The following SFTPB variants were observed in gnomAD, a reference collection of about 807,000 sequenced individuals.
SFTPB encodes surfactant protein B.
SFTPB carries 32 observed loss-of-function variants against 51.0 expected under a neutral mutation model. The observed-to-expected ratio is 0.63, with a 90% CI of 0.47 to 0.84. The LOEUF (loss-of-function observed/expected upper bound fraction) is 0.84. Ranked by LOEUF, SFTPB falls within the 40% of genes least tolerant of loss-of-function variation. The pLI is 0.00. For missense variants in SFTPB, 431 were observed against 491.2 expected, an observed-to-expected ratio of 0.88 and a Z score of 1.16; for synonymous variants, 211 against 208.5, an observed-to-expected ratio of 1.01 and a Z score of -0.10.
chr2:85,668,268 G>C (rs997293488), upstream of SFTPB: 1 of 1,313,682 alleles, frequency 7.6e-7, no homozygotes, highest in African/African-American at 1.5e-5. Context: ...GAGTGGCAGC[G>C]ACCTCAGTGT....
In SFTPB at chr2:85,667,687, C is replaced by A. The variant is rs780804657; in HGVS notation, c.187G>T (p.Val63Leu). The A allele has an allele frequency of 1.9e-6, 3 of 1,614,156 alleles. No individual in the cohort carries two copies. The African/African-American group carries it at 4.0e-5, about 22-fold the overall frequency. ...GHCLQEVWGH[V>L]GADDLCQECE... ...TCCTTGGTGGTACTCACGGCTCCCA[C>A]ATGTCCCCAGACTTCCTGTAGGCAA... is the stretch of plus-strand genomic sequence containing the variant. The change falls in exon 2 of 11, where the codon GTG (valine) becomes TTG (leucine). Residue 63 changes from valine to leucine, a missense_variant. Physicochemically the swap from Val to Leu is conservative, Grantham distance 32 (BLOSUM62 1). Transcript: ENST00000519937.
At chr2:85,667,070 G>T in intron 3 of SFTPB, 36 bp downstream of exon 3, 1 of 1,546,150 alleles carries the variant, frequency 6.5e-7, no homozygotes, top group Non-Finnish European at 8.9e-7. Context: ...TCATCTCTTG[G>T]GCCCCAACCT....
In SFTPB at chr2:85,658,029, G is replaced by T. The variant is rs1310627541; in HGVS notation, c.*1673C>A. On this transcript the variant is annotated 3_prime_UTR_variant, in exon 11 of 11. Transcript: ENST00000519937. ...ACAATGGTGGAATGTCATCAGTTAA[G>T]GCAGGAACTGGCTATTTTCACTTCT... The T allele has an allele frequency of 6.6e-6, 1 of 151,320 alleles. No individual in the cohort carries two copies. The highest frequency in any genetic ancestry group is 6.7e-5 in the Admixed American group (1 of 15,006). 9.4% of individuals were successfully genotyped at this position (151,320 alleles called of 1,614,324 possible). A position where few individuals can be genotyped will look rare whatever the true frequency, so the allele number is the denominator to read the frequency against.
chr2:85,661,196 G>A (rs1677272550), intron 10 of SFTPB: 1 of 404,452 alleles, frequency 2.5e-6, no homozygotes, highest in South Asian at 2.2e-5. Context: ...GGGCAGGGCG[G>A]GGGGTTGGGG....
chr2:85,665,481 G>C, intron 5 of SFTPB, 103 bp from the exon 6 acceptor site: 1 of 1,435,536 alleles, frequency 7.0e-7, no homozygotes, highest in Non-Finnish European at 9.8e-7. Flanking sequence ...CCTCCCTTAG[G>C]CCCTGCCTGG....
intron 10 of SFTPB, among the ~76,000 whole-genome samples, chr2:85,660,636 G>T (rs1191088715): frequency 1.3e-5 from 2 of 151,612 alleles, no homozygotes; most frequent in Non-Finnish European, 2.9e-5. Context: ...AATATTTTTA[G>T]TAGAGACAGG....
At chr2:85,665,508 C>G in intron 5 of SFTPB, 98 bp downstream of exon 5, 2 of 1,488,662 alleles carry the variant, frequency 1.3e-6, no homozygotes, top group East Asian at 2.3e-5. Context: ...CTATCACCTT[C>G]CCGGCTCTGC....
intron 3 of SFTPB, 101 bp from the exon 4 acceptor site, chr2:85,666,843 C>T (rs1677675206): frequency 1.3e-6 from 2 of 1,512,504 alleles, no homozygotes; most frequent in East Asian, 2.3e-5. Flanking sequence ...CCCCTAATCC[C>T]CCAGGGTGCT....
At chr2:85,664,567 T>C (rs971896274) in intron 6 of SFTPB, among the ~76,000 whole-genome samples, 1 of 152,114 alleles carries the variant, frequency 6.6e-6, no homozygotes, top group Non-Finnish European at 1.5e-5. Flanking sequence ...TGGGTTCAAG[T>C]GATTCTCCTG....
At chr2:85,662,240 C>A in intron 8 of SFTPB, 131 bp from the exon 9 acceptor site, 1 of 1,521,246 alleles carries the variant, frequency 6.6e-7, no homozygotes, top group Non-Finnish European at 8.9e-7. Context: ...TCACGGAACA[C>A]CTCTGGCTGC....
upstream of SFTPB, among the ~76,000 whole-genome samples, chr2:85,668,499 G>A (rs908821112): frequency 6.6e-6 from 1 of 152,200 alleles, no homozygotes; most frequent in Non-Finnish European, 1.5e-5. Context: ...GGGAGGTTGA[G>A]GAGGGTGGAG....
chr2:85,661,979 C>T, intron 9 of SFTPB, 50 bp downstream of exon 9: 2 of 1,545,240 alleles, frequency 1.3e-6, no homozygotes, highest in Non-Finnish European at 1.8e-6. Flanking sequence ...AGGGTGGGGG[C>T]TCTGGGAGCC....
chr2:85,660,519 G>C (rs3024821), intron 10 of SFTPB, among the ~76,000 whole-genome samples: 3 of 142,306 alleles, frequency 2.1e-5, no homozygotes, highest in Non-Finnish European at 3.0e-5. Flanking sequence ...GCACGATCTC[G>C]GCACACCGCA....
At chr2:85,667,913 TA>T in intron 1 of SFTPB, 107 bp from the exon 2 acceptor site, 4 of 1,507,492 alleles carry the variant, frequency 2.7e-6, no homozygotes, top group Non-Finnish European at 3.6e-6. Flanking sequence ...GTGAGGCCAT[TA>T]AACATGTGGA....
chr2:85,665,126 G>A (rs1032074657), intron 6 of SFTPB, among the ~76,000 whole-genome samples, 163 bp downstream of exon 6: 2 of 152,186 alleles, frequency 1.3e-5, no homozygotes, highest in African/African-American at 4.8e-5. Context: ...CTGAGCCCCA[G>A]GGTCCCCTGG....
intron 2 of SFTPB, among the ~76,000 whole-genome samples, 165 bp from the exon 3 acceptor site, chr2:85,667,342 A>G (rs757722650): frequency 1.3e-5 from 2 of 151,556 alleles, no homozygotes; most frequent in Non-Finnish European, 2.9e-5. Context: ...TATCCCATCC[A>G]TCTCTTCTAT....
chr2:85,666,588 C>T (rs1306890437), intron 4 of SFTPB, 29 bp downstream of exon 4: 1 of 1,610,494 alleles, frequency 6.2e-7, no homozygotes, highest in South Asian at 1.1e-5. Context: ...CGTGGGGAGG[C>T]AGGCAGGAGG....
rs201996765 is a variant in SFTPB at position 85,663,693 on chromosome 2, C to T, written c.827G>A (p.Arg276Gln). 1.8e-4 allele frequency: 290 copies of T among 1,612,596 alleles called. 3 individuals are homozygous for T. Among genetic ancestry groups the T allele is most frequent in the Middle Eastern group, 1.2e-3 (7 of 6,054 alleles). Reference sequence around the variant, plus strand: ...GCCAGCGCTGTCATCCATGGAGCACCGGAGGACGAGGCGGCAGACCAGCTG... The same window carrying T: ...GCCAGCGCTGTCATCCATGGAGCACTGGAGGACGAGGCGGCAGACCAGCTG... ...LPQLVCRLVLRCSMDDSAGPR... is the reference protein window; with the variant it reads ...LPQLVCRLVLQCSMDDSAGPR... The change falls in exon 7 of 11, where the codon CGG becomes CAG. Residue 276 changes from arginine to glutamine, a missense_variant. Coordinates refer to ENST00000519937, the MANE Select transcript of SFTPB (RefSeq NM_000542.5).
rs1345691696 is a variant in SFTPB at position 85,657,659 on chromosome 2, G to T, written c.*2043C>A. 1.3e-5 allele frequency: 2 copies of T among 152,182 alleles called. No homozygotes were observed. Among genetic ancestry groups the T allele is most frequent in the African/African-American group, 4.8e-5 (2 of 41,442 alleles). 9.4% of individuals were successfully genotyped at this position (152,182 alleles called of 1,614,324 possible). On this transcript the variant is annotated 3_prime_UTR_variant, in exon 11 of 11. Transcript: ENST00000519937. ...TTGTGGGTGTCACATGCTTCCCTGTGAAGAGACTACCAAACAGGCTTTGTG... is the reference window on the plus strand; with the variant it reads ...TTGTGGGTGTCACATGCTTCCCTGTTAAGAGACTACCAAACAGGCTTTGTG...
Sources: gnomAD v4.1 joint callset for allele counts (sites outside exome capture counted in the v4.1 genomes callset) on GRCh38, gnomAD v4.1.1 for gene constraint, MANE v1.5 for transcripts, NCBI Gene and HGNC (gene_info 2026-07-23, HGNC 2026-07-21) for gene names.